CDH12: variants seen among roughly 807,000 people sequenced by gnomAD.
CDH12 encodes the protein cadherin-12.
A neutral mutation model predicts 74.1 loss-of-function variants in CDH12; 41 were observed. That is an observed-to-expected ratio of 0.55 (90% confidence interval 0.43 to 0.72). CDH12 has a LOEUF of 0.72. CDH12 is among the 30% of genes least tolerant of loss of function. The probability of loss-of-function intolerance (pLI) is 0.00; values close to 1 mark genes in which losing one functional copy is unlikely to be tolerated. For missense variants in CDH12, 945 were observed against 977.2 expected (o/e 0.97, Z 0.44); for synonymous variants, 399 against 355.0 (o/e 1.12, Z -1.39).
intron 13 of CDH12, 64 bp from the exon 14 acceptor site, chr5:21,755,906 G>C (rs1302474222): frequency 6.7e-7 from 1 of 1,487,934 alleles, no homozygotes; most frequent in Non-Finnish European, 9.3e-7. Context: ...CTTCAAGTTG[G>C]TATCTGCTCA....
chr5:22,532,989 G>T (rs548355260), intron 1 of CDH12, among the ~76,000 whole-genome samples: 22 of 151,984 alleles, frequency 1.4e-4, no homozygotes, highest in African/African-American at 5.1e-4. Context: ...CAAATTACTA[G>T]CCTATTTGAA....
At chr5:21,786,298 T>C (rs1000832346) in intron 10 of CDH12, among the ~76,000 whole-genome samples, 1 of 151,998 alleles carries the variant, frequency 6.6e-6, no homozygotes, top group African/African-American at 2.4e-5. Flanking sequence ...GGATTACAGG[T>C]GCATGCCACT....
At chr5:22,344,979 C>A (rs1740047340) in intron 3 of CDH12, among the ~76,000 whole-genome samples, 1 of 152,126 alleles carries the variant, frequency 6.6e-6, no homozygotes. Flanking sequence ...AGATTTTTCC[C>A]AAGGTGAGCC....
Position 21,812,051 on chromosome 5 carries a change from T to C in CDH12, c.1002+4894A>G, listed in dbSNP as rs375257139. Among the ~76,000 whole-genome samples, 128 of 151,972 alleles carry C rather than the reference T, an allele frequency of 8.4e-4. 2 individuals carry two copies. In the South Asian group the frequency reaches 0.025, roughly 30 times the overall value. ...TACAGGAAATAGACAGAGGAGAAAA[T>C]AGTGAAAGAAAAGCAAATAAAAGAT... On this transcript the variant is annotated intron_variant, in intron 9 of 14. Coordinates refer to ENST00000382254, the MANE Select transcript of CDH12 (RefSeq NM_004061.5).
At chr5:22,073,501 A>T (rs545849198) in intron 5 of CDH12, among the ~76,000 whole-genome samples, 1 of 152,262 alleles carries the variant, frequency 6.6e-6, no homozygotes, top group Admixed American at 6.6e-5. Context: ...GTAATAATGC[A>T]AGTGTTTTGC....
intron 1 of CDH12, among the ~76,000 whole-genome samples, chr5:22,545,920 T>C (rs1738304935): frequency 6.7e-6 from 1 of 149,602 alleles, no homozygotes; most frequent in Non-Finnish European, 1.5e-5. Context: ...TTAAACTGTC[T>C]AGATTTTTGT....
intron 1 of CDH12, among the ~76,000 whole-genome samples, chr5:22,638,214 C>T: frequency 6.6e-6 from 1 of 152,110 alleles, no homozygotes; most frequent in East Asian, 1.9e-4. Flanking sequence ...CTCAAAGGAT[C>T]ACAAGGTGAA....
intron 3 of CDH12, among the ~76,000 whole-genome samples, chr5:22,237,565 C>T (rs1311876116): frequency 6.6e-6 from 1 of 151,988 alleles, no homozygotes; most frequent in African/African-American, 2.4e-5. Flanking sequence ...GAAATGGGCC[C>T]TTATTAGACT....
intron 3 of CDH12, among the ~76,000 whole-genome samples, chr5:22,280,960 T>C (rs1435720220): frequency 6.6e-6 from 1 of 152,108 alleles, no homozygotes; most frequent in African/African-American, 2.4e-5. Flanking sequence ...GGAATATCAA[T>C]GCAAAAATCC....
At chr5:22,379,943 G>C (rs1741689731) in intron 3 of CDH12, among the ~76,000 whole-genome samples, 1 of 151,908 alleles carries the variant, frequency 6.6e-6, no homozygotes, top group South Asian at 2.1e-4. Context: ...TATTTTTGTA[G>C]AGACAAGGTC....
chr5:22,139,086 T>C (rs1425390707), intron 4 of CDH12, among the ~76,000 whole-genome samples: 1 of 150,668 alleles, frequency 6.6e-6, no homozygotes, highest in Non-Finnish European at 1.5e-5. Flanking sequence ...AAATATTACC[T>C]TTATTAAAAA....
intron 10 of CDH12, among the ~76,000 whole-genome samples, chr5:21,786,503 A>G (rs1305030752): frequency 2.0e-5 from 3 of 152,136 alleles, no homozygotes; most frequent in African/African-American, 7.2e-5. Context: ...TCAGGAAAAA[A>G]AAAAATCCTT....
intron 1 of CDH12, among the ~76,000 whole-genome samples, chr5:22,667,031 TC>T (rs550676652): frequency 2.1e-3 from 313 of 152,326 alleles, no homozygotes; most frequent in Middle Eastern, 0.014. Flanking sequence ...CCTCCTCTAT[TC>T]CTATATCAGG....
rs77517246 is a variant in CDH12 at position 21,900,246 on chromosome 5, C to T, written c.527-45456G>A. 7.9e-3 allele frequency among the ~76,000 whole-genome samples: 1,196 copies of T among 152,104 alleles called. 19 individuals are homozygous for T. Among genetic ancestry groups the T allele is most frequent in the African/African-American group, 0.027 (1,129 of 41,490 alleles). ...ACAGGAAATAATATGTGCCTCAATT[C>T]CTGTGGAAGGCAGGAGGGAGGCAAT... On this transcript the variant is annotated intron_variant, in intron 6 of 14. Transcript: ENST00000382254.
chr5:22,495,295 C>T lies in CDH12; in HGVS notation c.-428+9975G>A, dbSNP rs138261156. 4.9e-4 allele frequency among the ~76,000 whole-genome samples: 75 copies of T among 152,288 alleles called. No individual in the cohort carries two copies. The East Asian group carries it at 0.014, about 29-fold the overall frequency. ...AACTAAAGGATCCTACCACTCTTCACAGAAACATTCCTTAAAGATGTTCAT... is the reference window on the plus strand; with the variant it reads ...AACTAAAGGATCCTACCACTCTTCATAGAAACATTCCTTAAAGATGTTCAT... On this transcript the variant is annotated intron_variant, in intron 2 of 14. Transcript: ENST00000382254.
intron 8 of CDH12, among the ~76,000 whole-genome samples, chr5:21,833,029 A>T (rs867069755): frequency 2.0e-5 from 1 of 51,226 alleles, no homozygotes; most frequent in East Asian, 7.3e-4. Context: ...TATAATATAT[A>T]ATATATAATA....
intron 1 of CDH12, chr5:22,580,562 T>C: frequency 4.2e-6 from 2 of 475,752 alleles, no homozygotes; most frequent in East Asian, 5.6e-5. Flanking sequence ...CAGGGCTGTA[T>C]GTGTCTTGTG....
rs139549416 is a variant in CDH12, at chr5:21,930,593, C to T, written c.526+44498G>A. ...CGCACTGTCTGACTCTTTGTAGACA[C>T]TCAACAAATGTTGGTGATTTTTATT... On this transcript the variant is annotated intron_variant, in intron 6 of 14. Transcript: ENST00000382254. Among the ~76,000 whole-genome samples, 521 of 152,212 alleles carry T rather than the reference C, an allele frequency of 3.4e-3. 2 individuals are homozygous for T. Among genetic ancestry groups the T allele is most frequent in the African/African-American group, 0.012 (499 of 41,536 alleles).
chr5:22,293,098 G>A (rs986839842), intron 3 of CDH12, among the ~76,000 whole-genome samples: 16 of 151,948 alleles, frequency 1.1e-4, no homozygotes, highest in Admixed American at 9.2e-4. Flanking sequence ...AAAAACCCAC[G>A]TCTGTTCCTT....
Sources: gnomAD v4.1 joint callset for allele counts (sites outside exome capture counted in the v4.1 genomes callset) on GRCh38, gnomAD v4.1.1 for gene constraint, MANE v1.5 for transcripts, NCBI Gene and HGNC (gene_info 2026-07-23, HGNC 2026-07-21) for gene names.